Variants in SLIT1 observed in about 807,000 individuals in gnomAD.
SLIT1 encodes the protein slit homolog 1 protein.
A neutral mutation model predicts 186.1 loss-of-function variants in SLIT1; 66 were observed. The observed-to-expected ratio is 0.35, with a 90% CI of 0.29 to 0.44. SLIT1 has a LOEUF of 0.44. Among genes scored for constraint, SLIT1 ranks in the 20% least tolerant of loss-of-function variants. The pLI is 1.00. For missense variants in SLIT1, 1,638 were observed against 2,037.4 expected (o/e 0.80, Z 3.77); for synonymous variants, 761 against 833.8 (o/e 0.91, Z 1.50).
rs1421039521 is a variant in SLIT1, at chr10:97,056,355, C to G, written c.1267G>C (p.Gly423Arg). 6.2e-7 allele frequency: 1 copy of G among 1,614,162 alleles called. No homozygotes were observed. The highest frequency in any genetic ancestry group is 8.5e-7 in the Non-Finnish European group (1 of 1,180,030). The change falls in exon 13 of 37, where the codon GGC becomes CGC. Residue 423 changes from glycine to arginine, a missense_variant. By Grantham distance (125) the Gly-to-Arg change is moderately radical. Transcript: ENST00000266058. ...YDNKIQSLAK[G>R]TFTSLRAIQT... ...ATGGCCCGCAGGGAGGTGAAAGTGC[C>G]CTTGGCGAGGCTCTGGATCTTGTTG...
At chr10:97,042,779 C>A in intron 20 of SLIT1, 122 bp downstream of exon 20, 1 of 1,054,598 alleles carries the variant, frequency 9.5e-7, no homozygotes, top group South Asian at 1.6e-5. Context: ...CCCCACCTAA[C>A]CTCTCCTCTC....
At chr10:97,027,207 C>T (rs892623169) in intron 25 of SLIT1, among the ~76,000 whole-genome samples, 32 of 152,176 alleles carry the variant, frequency 2.1e-4, no homozygotes, top group African/African-American at 7.5e-4. Flanking sequence ...TTGCATACAG[C>T]TTTCACGAAG....
chr10:97,141,156 G>A (rs928037750), intron 4 of SLIT1, among the ~76,000 whole-genome samples: 1 of 152,262 alleles, frequency 6.6e-6, no homozygotes. Flanking sequence ...TGGCAGATGC[G>A]GATTCAGCCC....
intron 4 of SLIT1, among the ~76,000 whole-genome samples, chr10:97,083,682 G>A (rs1309187083): frequency 1.3e-5 from 2 of 152,142 alleles, no homozygotes; most frequent in Non-Finnish European, 2.9e-5. Context: ...CCCTGTCTGC[G>A]ATGAACATTG....
intron 1 of SLIT1, among the ~76,000 whole-genome samples, chr10:97,171,492 A>G (rs991915245): frequency 2.7e-4 from 41 of 152,152 alleles, no homozygotes; most frequent in African/African-American, 9.7e-4. Context: ...TAAAGCCTTC[A>G]ATGGATTTCC....
At position 97,060,692 on chromosome 10, in the gene SLIT1, C is replaced by T. The variant is rs942440466; in HGVS notation, c.889G>A (p.Gly297Arg). ...GCCGGGATGGCAGTGAGGCCTTTTC[C>T]ACGACAGTCCACGATGCCATTGCTG... ...TCSNGIVDCR[G>R]KGLTAIPANL... The change falls in exon 9 of 37, where the codon GGA becomes AGA. Residue 297 changes from glycine (G) to arginine (R), a missense_variant. Gly to Arg is a moderately radical substitution (Grantham distance 125, BLOSUM62 -2). This residue lies in a region of SLIT1 where 1,245 missense variants were observed against 1,535.3 expected (regional missense o/e 0.81). Coordinates refer to ENST00000266058, the MANE Select transcript of SLIT1 (RefSeq NM_003061.3). The T allele has an allele frequency of 3.2e-5, 51 of 1,613,568 alleles. No individual in the cohort carries two copies. The highest frequency in any genetic ancestry group is 4.0e-5 in the Non-Finnish European group (47 of 1,180,048).
chr10:97,152,685 C>T lies in SLIT1; in HGVS notation c.413+5133G>A, dbSNP rs140010327. 5.9e-5 allele frequency among the ~76,000 whole-genome samples: 9 copies of T among 152,326 alleles called. 1 individual carries two copies. Among genetic ancestry groups the T allele is most frequent in the East Asian group, 1.9e-4 (1 of 5,192 alleles). On this transcript the variant is annotated intron_variant, in intron 4 of 36. Coordinates refer to ENST00000266058, the MANE Select transcript of SLIT1 (RefSeq NM_003061.3). Reference sequence around the variant, plus strand: ...TATTTAAAAACTGGGAGGTTTCCTACCGTAAACGTAACACATGCTTCTTAA... The same window carrying T: ...TATTTAAAAACTGGGAGGTTTCCTATCGTAAACGTAACACATGCTTCTTAA...
chr10:97,002,434 G>GCCCCACCCGACACAGCCCA (rs1848319556), intron 35 of SLIT1, 65 bp from the exon 36 acceptor site: 3 of 1,291,422 alleles, frequency 2.3e-6, no homozygotes, highest in Non-Finnish European at 3.2e-6. Context: ...GACACAGCCC[G>GCCCCACCCGACACAGCCCA]CCCCACCTGA....
intron 12 of SLIT1, among the ~76,000 whole-genome samples, chr10:97,056,769 G>A (rs1488763933): frequency 1.3e-5 from 2 of 151,100 alleles, no homozygotes; most frequent in Non-Finnish European, 3.0e-5. Context: ...TTTGGGGGGG[G>A]CTCCTCCTCC....
intron 4 of SLIT1, among the ~76,000 whole-genome samples, chr10:97,087,036 G>T (rs1034197400): frequency 6.6e-6 from 1 of 151,836 alleles, no homozygotes; most frequent in African/African-American, 2.4e-5. Context: ...AATCTCTGTG[G>T]CTTCTGCCCA....
intron 21 of SLIT1, among the ~76,000 whole-genome samples, chr10:97,039,190 G>A (rs987334554): frequency 5.9e-5 from 9 of 152,200 alleles, no homozygotes; most frequent in Non-Finnish European, 1.0e-4. Flanking sequence ...CTCAGCTTTG[G>A]AGGCCTGGAG....
In SLIT1 at chr10:97,002,248, G is replaced by T. The variant is rs771811049; in HGVS notation, c.4276C>A (p.Gln1426Lys). ...GCCTGGCAGTGGCCATGCAGGCACT[G>T]CAGGCCTCTGCAGGGCTCTGCCAGG... ...GALAEPCRGL[Q>K]CLHGHCQASG... The change falls in exon 36 of 37, where the codon CAG (glutamine) becomes AAG (lysine). Residue 1426 changes from glutamine to lysine, a missense_variant. By Grantham distance (53) the Gln-to-Lys change is moderately conservative. Coordinates refer to ENST00000266058, the MANE Select transcript of SLIT1 (RefSeq NM_003061.3). The T allele has an allele frequency of 7.5e-6, 12 of 1,598,594 alleles. No individual in the cohort carries two copies. In the African/African-American group the frequency reaches 1.6e-4, roughly 21 times the overall value.
At chr10:97,040,365 G>A (rs1302519658) in intron 20 of SLIT1, among the ~76,000 whole-genome samples, 1 of 152,156 alleles carries the variant, frequency 6.6e-6, no homozygotes, top group Non-Finnish European at 1.5e-5. Flanking sequence ...CAAACTCAAA[G>A]TGGACCTGGT....
intron 23 of SLIT1, among the ~76,000 whole-genome samples, chr10:97,032,186 T>C (rs546646331): frequency 6.6e-6 from 1 of 152,220 alleles, no homozygotes; most frequent in South Asian, 2.1e-4. Context: ...GCTGTGACAG[T>C]GAGGAAGGTG....
At chr10:97,163,254 G>C in intron 3 of SLIT1, 126 bp downstream of exon 3, 1 of 763,822 alleles carries the variant, frequency 1.3e-6, no homozygotes, top group Non-Finnish European at 2.2e-6. Context: ...CCATCCGCTG[G>C]TGGAGGCAGG....
intron 4 of SLIT1, among the ~76,000 whole-genome samples, chr10:97,111,144 C>T (rs1416420814): frequency 6.6e-6 from 1 of 151,458 alleles, no homozygotes; most frequent in Non-Finnish European, 1.5e-5. Context: ...GAGCTGGGGT[C>T]GCACTACTGC....
chr10:97,052,645 TC>T (rs766448608), intron 13 of SLIT1, among the ~76,000 whole-genome samples: 2 of 152,220 alleles, frequency 1.3e-5, no homozygotes, highest in Non-Finnish European at 2.9e-5. Context: ...TAGAGCTGTT[TC>T]TTTTTTTTAA....
chr10:97,046,546 G>A, intron 18 of SLIT1, 108 bp downstream of exon 18: 2 of 1,167,416 alleles, frequency 1.7e-6, no homozygotes, highest in Non-Finnish European at 2.3e-6. Flanking sequence ...CCACCCTCCT[G>A]CAAGCTGGGC....
chr10:97,158,037 T>C, intron 3 of SLIT1, 148 bp from the exon 4 acceptor site: 1 of 676,106 alleles, frequency 1.5e-6, no homozygotes, highest in Non-Finnish European at 2.7e-6. Flanking sequence ...AATTACCTTC[T>C]CTGGGCCTCA....
Sources: allele counts gnomAD v4.1 joint callset (sites outside exome capture counted in the v4.1 genomes callset), GRCh38; gene constraint gnomAD v4.1.1; regional missense constraint gnomAD v4.1.1; transcripts MANE v1.5; gene names NCBI Gene and HGNC (gene_info 2026-07-23, HGNC 2026-07-21).